Variants in LEF1 observed in about 807,000 individuals in gnomAD.
LEF1 encodes the protein lymphoid enhancer binding factor 1.
In LEF1, 14 loss-of-function variants were observed where a neutral mutation model predicts 51.2. The observed-to-expected ratio is 0.27, with a 90% CI of 0.18 to 0.43. The LOEUF is 0.43. Among genes scored for constraint, LEF1 ranks in the 20% least tolerant of loss-of-function variants. The pLI is 1.00. For missense variants in LEF1, 386 were observed against 512.0 expected (o/e 0.75, Z 2.37); for synonymous variants, 185 against 183.2 (o/e 1.01, Z -0.08).
At chr4:108,065,764 A>G (rs1386426485) in intron 9 of LEF1, among the ~76,000 whole-genome samples, 2 of 152,182 alleles carry the variant, frequency 1.3e-5, no homozygotes, top group Non-Finnish European at 2.9e-5. Context: ...TAAGCTAGAG[A>G]TATTGGATAT....
chr4:108,158,339 C>T (rs1325266614), intron 3 of LEF1, among the ~76,000 whole-genome samples: 14 of 152,082 alleles, frequency 9.2e-5, no homozygotes, highest in African/African-American at 2.4e-5. Context: ...TAGCTTCCTA[C>T]AGATTGGCTC....
intron 4 of LEF1, among the ~76,000 whole-genome samples, chr4:108,084,960 A>C (rs2126293261): frequency 6.6e-6 from 1 of 152,344 alleles, no homozygotes; most frequent in South Asian, 2.1e-4. Context: ...TAAACAAAAT[A>C]AAATAAAAGC....
chr4:108,166,024 G>C (rs555273675), intron 1 of LEF1, among the ~76,000 whole-genome samples: 1 of 152,220 alleles, frequency 6.6e-6, no homozygotes, highest in Non-Finnish European at 1.5e-5. Context: ...AAAATGGGTA[G>C]AAAGAGAGGC....
intron 3 of LEF1, among the ~76,000 whole-genome samples, chr4:108,112,990 A>C (rs1184455545): frequency 1.3e-5 from 2 of 152,222 alleles, no homozygotes; most frequent in South Asian, 2.1e-4. Flanking sequence ...TGGAGGAAAA[A>C]CAACATTAGA....
intron 3 of LEF1, among the ~76,000 whole-genome samples, chr4:108,150,592 A>G (rs1436386174): frequency 1.3e-5 from 2 of 152,330 alleles, no homozygotes; most frequent in African/African-American, 4.8e-5. Context: ...TCCTCAAAGT[A>G]GTTTATTGAC....
intron 3 of LEF1, among the ~76,000 whole-genome samples, chr4:108,108,635 C>T (rs1215941514): frequency 6.6e-6 from 1 of 152,144 alleles, no homozygotes; most frequent in Non-Finnish European, 1.5e-5. Context: ...TGCAGTCCCA[C>T]TTGTTCATCT....
intron 4 of LEF1, among the ~76,000 whole-genome samples, chr4:108,085,781 T>C (rs193239498): frequency 2.5e-3 from 385 of 152,358 alleles, no homozygotes; most frequent in Non-Finnish European, 3.9e-3. Context: ...GAGAAATCTT[T>C]CTCCTTTGAA....
At chr4:108,108,941 C>T (rs954166048) in intron 3 of LEF1, among the ~76,000 whole-genome samples, 1 of 152,170 alleles carries the variant, frequency 6.6e-6, no homozygotes, top group African/African-American at 2.4e-5. Flanking sequence ...ACCAGGAATA[C>T]AGGATTGGAA....
intron 3 of LEF1, among the ~76,000 whole-genome samples, chr4:108,090,614 T>C (rs1434789725): frequency 6.6e-6 from 1 of 152,216 alleles, no homozygotes; most frequent in East Asian, 1.9e-4. Flanking sequence ...TTGTGGTATA[T>C]GTGATATTCT....
rs755764389 is a variant in LEF1 at position 108,104,665 on chromosome 4, G to A, written c.415-15408C>T. The A allele has an allele frequency of 2.2e-5, 22 of 983,744 alleles. No homozygotes were observed. In the Admixed American group the frequency reaches 3.1e-4, roughly 14 times the overall value. The allele number at this position is 983,744 out of a possible 1,614,324, so 60.9% of individuals were successfully genotyped here. On this transcript the variant is annotated intron_variant, in intron 3 of 11. Coordinates refer to ENST00000265165, the MANE Select transcript of LEF1 (RefSeq NM_016269.5). ...GCAGACAGGTGACACCCAAACTATC[G>A]TATGAAGGACATACCTATGAATGCT... is the stretch of plus-strand genomic sequence containing the variant.
chr4:108,067,622 C>A (rs377569925), intron 9 of LEF1, among the ~76,000 whole-genome samples: 2 of 151,572 alleles, frequency 1.3e-5, no homozygotes, highest in African/African-American at 4.9e-5. Context: ...CTCTTCCTCT[C>A]GGGTTCAAGC....
intron 3 of LEF1, among the ~76,000 whole-genome samples, chr4:108,129,966 T>C (rs1389490176): frequency 6.6e-6 from 1 of 152,186 alleles, no homozygotes; most frequent in Non-Finnish European, 1.5e-5. Flanking sequence ...CATGGTCCTC[T>C]TAAGCTGTGT....
At chr4:108,151,453 C>A (rs1025355055) in intron 3 of LEF1, among the ~76,000 whole-genome samples, 5 of 152,144 alleles carry the variant, frequency 3.3e-5, no homozygotes, top group African/African-American at 1.2e-4. Context: ...ACTGAAGTTG[C>A]AGAAAGTACC....
chr4:108,087,239 C>T (rs1316522725), intron 4 of LEF1, among the ~76,000 whole-genome samples: 1 of 152,080 alleles, frequency 6.6e-6, no homozygotes, highest in Non-Finnish European at 1.5e-5. Flanking sequence ...TCCAGAAGTA[C>T]ACGATGATAA....
intron 3 of LEF1, among the ~76,000 whole-genome samples, chr4:108,121,275 C>T (rs1045042228): frequency 2.6e-5 from 4 of 152,118 alleles, no homozygotes; most frequent in African/African-American, 9.7e-5. Flanking sequence ...AGCAGTTTTC[C>T]CAGCATTGTT....
intron 3 of LEF1, among the ~76,000 whole-genome samples, chr4:108,125,432 G>A (rs1022320695): frequency 5.3e-5 from 8 of 152,126 alleles, no homozygotes; most frequent in East Asian, 3.9e-4. Flanking sequence ...CAAAGAGCTC[G>A]GACTACAGGC....
rs188327980 is a variant in LEF1, at chr4:108,054,030, C to A, written c.*7-5279G>T. 1.3e-3 allele frequency among the ~76,000 whole-genome samples: 202 copies of A among 152,262 alleles called. 1 individual carries two copies. Among genetic ancestry groups the A allele is most frequent in the Non-Finnish European group, 7.3e-4 (50 of 68,030 alleles). ...TTTTGTTTTGTTTACCCAAACCAAG[C>A]CCTTCCACAGTTATGCCAGCATTTG... is the stretch of plus-strand genomic sequence containing the variant. On this transcript the variant is annotated intron_variant, in intron 11 of 11. Transcript: ENST00000265165.
chr4:108,107,905 T>C (rs762503660), intron 3 of LEF1, among the ~76,000 whole-genome samples: 1 of 152,136 alleles, frequency 6.6e-6, no homozygotes, highest in African/African-American at 2.4e-5. Context: ...AAGATGCTTA[T>C]ACTGATCTTC....
chr4:108,052,773 CTTGT>C (rs1737086884), intron 11 of LEF1, among the ~76,000 whole-genome samples: 1 of 152,154 alleles, frequency 6.6e-6, no homozygotes, highest in Admixed American at 6.5e-5. Context: ...AAGTGACAGT[CTTGT>C]TGACTTGAAG....
Sources: allele counts gnomAD v4.1 joint callset (sites outside exome capture counted in the v4.1 genomes callset), GRCh38; gene constraint gnomAD v4.1.1; transcripts MANE v1.5; gene names NCBI Gene and HGNC (gene_info 2026-07-23, HGNC 2026-07-21).